COL28A1: variants seen among roughly 807,000 people sequenced by gnomAD.
COL28A1 encodes the protein collagen type XXVIII alpha 1 chain, also known as collagen alpha-1(XXVIII) chain.
A neutral mutation model predicts 150.2 loss-of-function variants in COL28A1; 161 were observed. That is an observed-to-expected ratio of 1.07 (90% CI 0.94 to 1.22). The LOEUF is 1.22. COL28A1 is among the 50% of genes most tolerant of loss of function. The pLI is 0.00. For missense variants in COL28A1, 1,617 were observed against 1,388.3 expected (o/e 1.16, Z -2.62); for synonymous variants, 552 against 469.7 (o/e 1.18, Z -2.26).
chr7:7,526,674 C>T (rs576349618), intron 3 of COL28A1, among the ~76,000 whole-genome samples: 16 of 152,056 alleles, frequency 1.1e-4, no homozygotes, highest in Admixed American at 2.6e-4. Context: ...CTCGCCCTGT[C>T]ACCTAGGCTG....
At chr7:7,347,312 G>A in the COL28A1 span, among the ~76,000 whole-genome samples, 1 of 152,160 alleles carries the variant, frequency 6.6e-6, no homozygotes, top group Admixed American at 6.6e-5. Flanking sequence ...CCCAGTGGGT[G>A]GGTTAATATA....
At chr7:7,370,530 T>A (rs1395043222) in intron 33 of COL28A1, among the ~76,000 whole-genome samples, 195 bp downstream of exon 33, 2 of 152,152 alleles carry the variant, frequency 1.3e-5, no homozygotes, top group Admixed American at 6.5e-5. Context: ...TGCAAGTTTT[T>A]AAAAATATCC....
intron 14 of COL28A1, among the ~76,000 whole-genome samples, chr7:7,475,757 T>G (rs879516736): frequency 1.3e-5 from 2 of 152,176 alleles, no homozygotes; most frequent in Non-Finnish European, 2.9e-5. Context: ...ATTTACTAAG[T>G]GCCAAAAAAA....
chr7:7,369,097 G>C lies in COL28A1; in HGVS notation c.3066+1628C>G, dbSNP rs572041445. On this transcript the variant is annotated intron_variant, in intron 33 of 34. Transcript: ENST00000399429. ...TGATTATAAGGAGGGCTCAGTTTAAGCATCAATTCCTGGATGAAACCTGAG... is the reference window on the plus strand; with the variant it reads ...TGATTATAAGGAGGGCTCAGTTTAACCATCAATTCCTGGATGAAACCTGAG... Among the ~76,000 whole-genome samples, 292 of 152,300 alleles carry C rather than the reference G, an allele frequency of 1.9e-3. 1 individual carries two copies. Among genetic ancestry groups the C allele is most frequent in the Non-Finnish European group, 3.6e-3 (247 of 68,026 alleles).
chr7:7,428,997 A>G (rs920185773), intron 25 of COL28A1, among the ~76,000 whole-genome samples: 1 of 152,248 alleles, frequency 6.6e-6, no homozygotes, highest in Admixed American at 6.5e-5. Context: ...TTTGAAACAC[A>G]GAAGCTTTGA....
At chr7:7,381,170 T>A (rs1781852212) in intron 28 of COL28A1, among the ~76,000 whole-genome samples, 1 of 152,150 alleles carries the variant, frequency 6.6e-6, no homozygotes, top group South Asian at 2.1e-4. Context: ...TTATCTGGTA[T>A]CTCCTACATG....
chr7:7,384,533 G>A (rs1782071036), intron 27 of COL28A1, among the ~76,000 whole-genome samples: 1 of 152,120 alleles, frequency 6.6e-6, no homozygotes, highest in Admixed American at 6.5e-5. Context: ...ATTGCTTATA[G>A]TTGTTCTATT....
At chr7:7,527,762 C>A (rs1215946992) in intron 3 of COL28A1, among the ~76,000 whole-genome samples, 1 of 152,102 alleles carries the variant, frequency 6.6e-6, no homozygotes, top group Non-Finnish European at 1.5e-5. Context: ...ACTATATATG[C>A]AAAACCAGAA....
intron 15 of COL28A1, among the ~76,000 whole-genome samples, chr7:7,457,849 A>G (rs189520077): frequency 6.6e-6 from 1 of 152,318 alleles, no homozygotes; most frequent in Admixed American, 6.5e-5. Flanking sequence ...ATTGAGTAAC[A>G]TGGTTAACAT....
intron 32 of COL28A1, 78 bp downstream of exon 32, chr7:7,372,920 G>T: frequency 2.4e-6 from 3 of 1,226,348 alleles, no homozygotes; most frequent in Non-Finnish European, 3.4e-6. Flanking sequence ...TTTTCTATTT[G>T]GTCAGGACAA....
At chr7:7,381,686 CACTT>C in intron 27 of COL28A1, 74 bp from the exon 28 acceptor site, 1 of 987,468 alleles carries the variant, frequency 1.0e-6, no homozygotes, top group South Asian at 1.3e-5. Context: ...GTCAGAAACA[CACTT>C]ACGGTTTAAA....
At chr7:7,523,202 C>T (rs1341311922) in intron 4 of COL28A1, among the ~76,000 whole-genome samples, 3 of 149,142 alleles carry the variant, frequency 2.0e-5, no homozygotes, top group Non-Finnish European at 3.0e-5. Context: ...ACTCTGCCAC[C>T]AGGCTGGAAT....
the COL28A1 span, among the ~76,000 whole-genome samples, chr7:7,349,994 G>A: frequency 8.5e-5 from 13 of 152,132 alleles, no homozygotes; most frequent in Admixed American, 1.3e-4. Flanking sequence ...GGAAATATAA[G>A]TGACAGAGAG....
At chr7:7,347,116 T>C in the COL28A1 span, among the ~76,000 whole-genome samples, 1 of 152,086 alleles carries the variant, frequency 6.6e-6, no homozygotes, top group East Asian at 1.9e-4. Flanking sequence ...AGATGAATTA[T>C]AATGTCCACA....
chr7:7,519,895 A>G (rs17151551), intron 6 of COL28A1, among the ~76,000 whole-genome samples, 167 bp downstream of exon 6: 3,304 of 152,280 alleles, frequency 0.022, 140 homozygotes, highest in African/African-American at 0.075. Flanking sequence ...ATTCAAGCTA[A>G]TAGAAATAAG....
intron 27 of COL28A1, among the ~76,000 whole-genome samples, chr7:7,385,459 C>T (rs570575180): frequency 1.2e-4 from 18 of 152,258 alleles, no homozygotes; most frequent in East Asian, 3.9e-4. Context: ...GGTGAATTAT[C>T]GCTAGGAGTT....
At chr7:7,524,849 G>A (rs1312312163) in intron 3 of COL28A1, among the ~76,000 whole-genome samples, 2 of 152,012 alleles carry the variant, frequency 1.3e-5, no homozygotes, top group South Asian at 2.1e-4. Flanking sequence ...CACTAGGGGA[G>A]GAGTTTTCTA....
chr7:7,494,712 G>T (rs957182589), intron 11 of COL28A1, among the ~76,000 whole-genome samples: 1 of 152,200 alleles, frequency 6.6e-6, no homozygotes. Flanking sequence ...CTTTGCAGAA[G>T]CTTACAATCT....
In COL28A1 at chr7:7,400,975, G is replaced by GGTGTGTGTGTGTGTGT. The variant is rs60064708; in HGVS notation, c.2136+16868_2136+16883dup. ...GTCCCATAGGACGTGTGGGTATTTG[G>GGTGTGTGTGTGTGTGT]GTGTGTGTGTGTGTGTGTGTGTGTG... On this transcript the variant is annotated intron_variant, in intron 27 of 34. Transcript: ENST00000399429. Among the ~76,000 whole-genome samples, 299 of 119,108 alleles carry GGTGTGTGTGTGTGTGT rather than the reference G, an allele frequency of 2.5e-3. 4 individuals carry two copies. Among genetic ancestry groups the GGTGTGTGTGTGTGTGT allele is most frequent in the East Asian group, 4.1e-3 (16 of 3,940 alleles). 78.1% of individuals were successfully genotyped at this position (119,108 alleles called of 152,430 possible).
Sources: allele counts gnomAD v4.1 joint callset (sites outside exome capture counted in the v4.1 genomes callset), GRCh38; gene constraint gnomAD v4.1.1; transcripts MANE v1.5; gene names NCBI Gene and HGNC (gene_info 2026-07-23, HGNC 2026-07-21).